DNAAF5: variants seen among roughly 807,000 people sequenced by gnomAD.
DNAAF5 encodes dynein axonemal assembly factor 5, also known as HEAT repeat containing 2.
Under a neutral mutation model 75.8 loss-of-function variants are expected in DNAAF5, and 64 were observed. The ratio of observed to expected loss-of-function variants is 0.84; its 90% CI spans 0.69 to 1.04. The LOEUF (loss-of-function observed/expected upper bound fraction) is 1.04. DNAAF5 is among the 50% of genes least tolerant of loss of function. The pLI, the probability that DNAAF5 is intolerant of heterozygous loss-of-function variation, is 0.00. For missense variants in DNAAF5, 1,269 were observed against 1,178.5 expected (o/e 1.08, Z -1.12); for synonymous variants, 657 against 557.2 (o/e 1.18, Z -2.52).
intron 11 of DNAAF5, among the ~76,000 whole-genome samples, chr7:777,062 A>G (rs778860956): frequency 2.0e-5 from 3 of 152,216 alleles, no homozygotes; most frequent in Non-Finnish European, 4.4e-5. Flanking sequence ...TCGTCCCCAC[A>G]TGGGACCGTC....
rs772079587 is a variant in DNAAF5 at position 740,961 on chromosome 7, C to T, written c.905+18C>T. ...GAGGTCAGGTACGTGGGCAGGCGGC[C>T]GCGGGCCTTGTCTTCCTAAACGGTC... On this transcript the variant is annotated intron_variant, in intron 3 of 12. Coordinates refer to ENST00000297440, the MANE Select transcript of DNAAF5 (RefSeq NM_017802.4). 1.5e-5 allele frequency: 24 copies of T among 1,610,350 alleles called. No homozygotes were observed. Among genetic ancestry groups the T allele is most frequent in the South Asian group, 4.4e-5 (4 of 91,056 alleles).
At chr7:764,293 A>G (rs1782754339) in intron 8 of DNAAF5, among the ~76,000 whole-genome samples, 1 of 152,182 alleles carries the variant, frequency 6.6e-6, no homozygotes, top group Admixed American at 6.5e-5. Flanking sequence ...CAGAATCTAG[A>G]TGTCTAGCCG....
chr7:731,303 C>T (rs185809479), intron 2 of DNAAF5, among the ~76,000 whole-genome samples: 5 of 152,196 alleles, frequency 3.3e-5, no homozygotes, highest in Admixed American at 2.6e-4. Flanking sequence ...CTAAAAATAC[C>T]GTCACTGTCT....
Position 775,052 on chromosome 7 carries a change from T to C in DNAAF5, c.2129T>C (p.Leu710Pro). 5 of 1,614,014 alleles carry C rather than the reference T, an allele frequency of 3.1e-6. No homozygotes were observed. The highest frequency in any genetic ancestry group is 3.4e-6 in the Non-Finnish European group (4 of 1,179,974). ...CTGATGCCCCAGGTCCTGACCACCC[T>C]GGAGGAGGATTCGAAGATGACGCGA... ...ETLMPQVLTT[L>P]EEDSKMTRLI... is the part of the protein sequence containing the mutation. The change falls in exon 11 of 13, where the codon CTG (leucine) becomes CCG (proline). Residue 710 changes from leucine to proline, a missense_variant. Coordinates refer to ENST00000297440, the MANE Select transcript of DNAAF5 (RefSeq NM_017802.4).
rs755871359 is a variant in DNAAF5 at position 770,543 on chromosome 7, C to T, written c.1856C>T (p.Pro619Leu). The T allele has an allele frequency of 5.0e-5, 81 of 1,613,844 alleles. No individual in the cohort carries two copies. Among genetic ancestry groups the T allele is most frequent in the Admixed American group, 1.0e-4 (6 of 60,008 alleles). Residue 619 changes from proline (P) to leucine (L), a missense_variant, in exon 9 of 13, where the codon CCG (proline) becomes CTG (leucine). Pro to Leu is a moderately conservative substitution (Grantham distance 98, BLOSUM62 -3). Transcript: ENST00000297440. ...LRACLQPSQD[P>L]QMRLKLFSIL... ...GCCTGTCTGCAGCCCTCCCAAGACC[C>T]GCAGATGCGCCTGAAGCTGTTCTCC...
intron 6 of DNAAF5, among the ~76,000 whole-genome samples, chr7:757,355 C>T (rs553701818): frequency 1.6e-3 from 250 of 152,346 alleles, no homozygotes; most frequent in Non-Finnish European, 3.0e-3. Flanking sequence ...GCGTCCATGG[C>T]CGGGACCCTC....
rs79433478 is a variant in DNAAF5 at position 770,427 on chromosome 7, G to A, written c.1784-44G>A. ...CCTGTGCTGGATGGGGCCTCCTCCC[G>A]TCTCCTGAGGGCCGTGCACAGGAGC... is the stretch of plus-strand genomic sequence containing the variant. On this transcript the variant is annotated intron_variant, in intron 8 of 12. Coordinates refer to ENST00000297440, the MANE Select transcript of DNAAF5 (RefSeq NM_017802.4). 0.016 allele frequency: 25,984 copies of A among 1,580,452 alleles called. 610 individuals are homozygous for A. Among genetic ancestry groups the A allele is most frequent in the East Asian group, 0.12 (5,383 of 44,340 alleles).
chr7:753,960 C>G (rs1366003021), intron 4 of DNAAF5, among the ~76,000 whole-genome samples: 1 of 146,024 alleles, frequency 6.8e-6, no homozygotes, highest in Non-Finnish European at 1.5e-5. Context: ...GCAGGCGTGT[C>G]TCTCTCATCA....
chr7:738,797 C>G (rs1781812499), intron 2 of DNAAF5, among the ~76,000 whole-genome samples: 1 of 152,228 alleles, frequency 6.6e-6, no homozygotes. Context: ...TCCTTGCTAT[C>G]AGGTGAGATG....
chr7:735,759 T>A (rs898183805), intron 2 of DNAAF5, among the ~76,000 whole-genome samples: 9 of 152,104 alleles, frequency 5.9e-5, no homozygotes, highest in Admixed American at 5.2e-4. Flanking sequence ...TGGTCTTTTG[T>A]ATTTTTTTTA....
Position 740,938 on chromosome 7 carries a change from G to T in DNAAF5, c.900G>T (p.Glu300Asp). 6.2e-7 allele frequency: 1 copy of T among 1,613,152 alleles called. No homozygotes were observed. Among genetic ancestry groups the T allele is most frequent in the East Asian group, 2.2e-5 (1 of 44,880 alleles). The part of the protein sequence containing the change: ...LLSSLNDEVP[E>D]VRQLAASLWE... The stretch of plus-strand genomic sequence containing the variant: ...GTAGCCTCAACGACGAGGTGCCTGA[G>T]GTCAGGTACGTGGGCAGGCGGCCGC... Residue 300 changes from glutamate to aspartate, a missense_variant, in exon 3 of 13, where the codon GAG (glutamate) becomes GAT (aspartate). Physicochemically the swap from Glu to Asp is conservative, Grantham distance 45 (BLOSUM62 2). Coordinates refer to ENST00000297440, the MANE Select transcript of DNAAF5 (RefSeq NM_017802.4).
intron 8 of DNAAF5, among the ~76,000 whole-genome samples, chr7:766,327 C>G (rs900612783): frequency 2.6e-5 from 4 of 152,036 alleles, no homozygotes; most frequent in African/African-American, 9.7e-5. Context: ...AATGAGCATG[C>G]ACTACTGTAA....
chr7:752,714 A>G (rs1782346357), intron 4 of DNAAF5, among the ~76,000 whole-genome samples: 1 of 152,276 alleles, frequency 6.6e-6, no homozygotes, highest in African/African-American at 2.4e-5. Context: ...GTAACAGGGT[A>G]AAGCAATGTG....
intron 11 of DNAAF5, among the ~76,000 whole-genome samples, chr7:777,623 T>C (rs117212895): frequency 1.1e-4 from 16 of 152,316 alleles, no homozygotes; most frequent in Admixed American, 1.3e-4. Flanking sequence ...CTCTACTTAA[T>C]GTGATTATCT....
chr7:763,878 A>G lies in DNAAF5; in HGVS notation c.1687A>G (p.Ile563Val), dbSNP rs75829847. 178 of 1,613,338 alleles carry G rather than the reference A, an allele frequency of 1.1e-4. No individual in the cohort carries two copies. The African/African-American group carries it at 1.9e-3, about 17-fold the overall frequency. The change falls in exon 8 of 13, where the codon ATT becomes GTT. Residue 563 changes from isoleucine (I) to valine (V), a missense_variant. Coordinates refer to ENST00000297440, the MANE Select transcript of DNAAF5 (RefSeq NM_017802.4). ...SSCQDLYRKH[I>V]GPLLERVTAS... ...CTGCCAGGACCTCTACCGCAAGCAC[A>G]TTGGTCCCCTCCTGGAGCGGGTGAC...
intron 1 of DNAAF5, among the ~76,000 whole-genome samples, chr7:728,872 A>G (rs1351086512): frequency 6.6e-6 from 1 of 152,160 alleles, no homozygotes; most frequent in African/African-American, 2.4e-5. Flanking sequence ...ACACTGGGCA[A>G]CGGCAGAGAG....
intron 12 of DNAAF5, among the ~76,000 whole-genome samples, chr7:784,227 TCCCTCGC>T (rs1779077093): frequency 2.0e-5 from 3 of 152,152 alleles, no homozygotes; most frequent in Admixed American, 2.0e-4. Flanking sequence ...TCTTGGTCTT[TCCCTCGC>T]CCATGTGGGC....
At chr7:776,551 T>TC (rs1554256133) in intron 11 of DNAAF5, among the ~76,000 whole-genome samples, 4 of 151,830 alleles carry the variant, frequency 2.6e-5, no homozygotes, top group South Asian at 2.1e-4. Context: ...GAGCTGCCTG[T>TC]GGGGAGACGG....
At chr7:741,936 CAT>C (rs1781923897) in intron 4 of DNAAF5, among the ~76,000 whole-genome samples, 1 of 152,208 alleles carries the variant, frequency 6.6e-6, no homozygotes, top group Admixed American at 6.5e-5. Flanking sequence ...CATGGTTCCA[CAT>C]GATTTCCAAC....
Sources: allele counts gnomAD v4.1 joint callset (sites outside exome capture counted in the v4.1 genomes callset), GRCh38; gene constraint gnomAD v4.1.1; transcripts MANE v1.5; gene names NCBI Gene and HGNC (gene_info 2026-07-23, HGNC 2026-07-21).